The following SEMA4D variants were observed in gnomAD, a reference collection of about 807,000 sequenced individuals.
The protein encoded by SEMA4D is semaphorin-4D.
A neutral mutation model predicts 74.8 loss-of-function variants in SEMA4D; 22 were observed. The ratio of observed to expected loss-of-function variants is 0.29; its 90% CI spans 0.21 to 0.42. The LOEUF (loss-of-function observed/expected upper bound fraction) is 0.42, where lower values mean the gene tolerates loss of function less well. Among genes scored for constraint, SEMA4D ranks in the 10% least tolerant of loss-of-function variants. The probability of loss-of-function intolerance (pLI) is 1.00; values close to 1 mark genes in which losing one functional copy is unlikely to be tolerated. For missense variants in SEMA4D, 937 were observed against 1,118.4 expected (o/e 0.84, Z 2.31); for synonymous variants, 445 against 463.7 (o/e 0.96, Z 0.52).
At chr9:89,386,781 A>G (rs1838608888) in intron 12 of SEMA4D, 1 of 311,044 alleles carries the variant, frequency 3.2e-6, no homozygotes, top group East Asian at 8.6e-5. Context: ...TAAGTGCCAC[A>G]TGAGGGGGCT....
chr9:89,361,302 A>G (rs1832742714), exon 19 of SEMA4D: 1 of 152,286 alleles, frequency 6.6e-6, no homozygotes, highest in Non-Finnish European at 1.5e-5. Context: ...AGGCTGGTAG[A>G]GAATTTGTCC....
rs1355048168 is a variant in SEMA4D at position 89,387,650 on chromosome 9, A to G, written c.1108-42T>C. ...CCCGCTGTTAACGTGCTCGTGTCCC[A>G]CCACGCAACGGGTGCTTCCACACAA... On this transcript the variant is annotated intron_variant, in intron 11 of 15. Coordinates refer to ENST00000422704, the MANE Select transcript of SEMA4D (RefSeq NM_001371194.2). 2.5e-6 allele frequency: 4 copies of G among 1,584,410 alleles called. No individual in the cohort carries two copies. In the South Asian group the frequency reaches 3.3e-5, roughly 13 times the overall value.
chr9:89,426,608 A>G (rs1313086297), intron 2 of SEMA4D, among the ~76,000 whole-genome samples: 1 of 152,168 alleles, frequency 6.6e-6, no homozygotes, highest in Admixed American at 6.5e-5. Flanking sequence ...TGGGGCTGTC[A>G]GTTCCCGTCT....
chr9:89,465,706 G>A (rs1022588794), intron 1 of SEMA4D, among the ~76,000 whole-genome samples: 9 of 152,244 alleles, frequency 5.9e-5, no homozygotes, highest in African/African-American at 2.2e-4. Flanking sequence ...TTTCCATGGG[G>A]AGTCAATTGT....
chr9:89,376,776 C>A (rs1835848306), downstream of SEMA4D: 5 of 1,513,962 alleles, frequency 3.3e-6, no homozygotes, highest in East Asian at 2.5e-5. Context: ...GCCCGCCCCC[C>A]ACCTGTGGGA....
chr9:89,363,690 A>G (rs748972520), intron 17 of SEMA4D: 48 of 1,596,526 alleles, frequency 3.0e-5, no homozygotes, highest in South Asian at 2.8e-4. Flanking sequence ...CATTGTAAAT[A>G]GTGAAAAATT....
At chr9:89,414,683 G>A (rs61249876) in intron 2 of SEMA4D, among the ~76,000 whole-genome samples, 9,412 of 152,266 alleles carry the variant, frequency 0.062, 616 homozygotes, top group African/African-American at 0.16. Flanking sequence ...ATAATAAACA[G>A]TTTATTGTTC....
At chr9:89,438,673 C>CTT (rs112699856) in intron 2 of SEMA4D, among the ~76,000 whole-genome samples, 1 of 149,228 alleles carries the variant, frequency 6.7e-6, no homozygotes. Context: ...TTTTTCTTTT[C>CTT]TTTTTTTTTT....
chr9:89,423,796 C>T, intron 2 of SEMA4D, among the ~76,000 whole-genome samples: 1 of 137,920 alleles, frequency 7.3e-6, no homozygotes. Flanking sequence ...AGTGCCTCCC[C>T]TCCCTCCACT....
chr9:89,451,096 G>A (rs1854391726), intron 2 of SEMA4D, among the ~76,000 whole-genome samples: 1 of 152,050 alleles, frequency 6.6e-6, no homozygotes, highest in Non-Finnish European at 1.5e-5. Context: ...ATAGAACAGG[G>A]CTAAATTAGC....
In SEMA4D at chr9:89,396,812, C is replaced by G. The variant is rs1248823276; in HGVS notation, c.339G>C (p.Arg113=). ...AAGTGGCGCTGAGTGGCTGCAGCAC[C>G]CGGATGTAGTTGAGGCACTCTGTCT... ...SKQTECLNYI[R]VLQPLSATSL... The change falls in exon 6 of 16, where the codon CGG becomes CGC. Residue 113 remains arginine, a synonymous_variant. Coordinates refer to ENST00000422704, the MANE Select transcript of SEMA4D (RefSeq NM_001371194.2). 6.2e-7 allele frequency: 1 copy of G among 1,613,806 alleles called. No individual in the cohort carries two copies. Among genetic ancestry groups the G allele is most frequent in the East Asian group, 2.2e-5 (1 of 44,870 alleles).
intron 4 of SEMA4D, among the ~76,000 whole-genome samples, 174 bp downstream of exon 4, chr9:89,402,697 C>G (rs574776999): frequency 5.4e-5 from 8 of 147,586 alleles, no homozygotes; most frequent in African/African-American, 2.0e-4. Context: ...AAAAAAAAAG[C>G]AAAGAGGGTG....
exon 19 of SEMA4D, chr9:89,361,297 G>A (rs1226356925): frequency 6.6e-6 from 1 of 152,232 alleles, no homozygotes; most frequent in Admixed American, 6.5e-5. Context: ...CACAAAGGCT[G>A]GTAGAGAATT....
At chr9:89,388,336 G>A (rs1056469279) in intron 11 of SEMA4D, among the ~76,000 whole-genome samples, 5 of 152,254 alleles carry the variant, frequency 3.3e-5, no homozygotes, top group South Asian at 2.1e-4. Context: ...CCTTTGCCAA[G>A]GAATCATGTG....
chr9:89,369,833 C>T (rs1018274708), intron 16 of SEMA4D, among the ~76,000 whole-genome samples: 5 of 152,156 alleles, frequency 3.3e-5, no homozygotes, highest in Non-Finnish European at 7.3e-5. Context: ...TCCCAATAAA[C>T]CCACTGTGAG....
At chr9:89,441,058 T>A (rs1367733665) in intron 2 of SEMA4D, among the ~76,000 whole-genome samples, 1 of 152,186 alleles carries the variant, frequency 6.6e-6, no homozygotes, top group African/African-American at 2.4e-5. Flanking sequence ...AACAAGCCAC[T>A]CTCCTGGGCA....
At chr9:89,489,357 T>C (rs1163793481) in intron 1 of SEMA4D, among the ~76,000 whole-genome samples, 1 of 152,226 alleles carries the variant, frequency 6.6e-6, no homozygotes, top group Non-Finnish European at 1.5e-5. Flanking sequence ...TTTATTGTGG[T>C]AAAATACTCG....
intron 1 of SEMA4D, among the ~76,000 whole-genome samples, chr9:89,495,512 C>G (rs1825938587): frequency 6.6e-6 from 1 of 152,134 alleles, no homozygotes; most frequent in Non-Finnish European, 1.5e-5. Context: ...AGGGCGGACC[C>G]TGGCCCAGGG....
intron 1 of SEMA4D, among the ~76,000 whole-genome samples, chr9:89,464,701 C>T (rs1309465631): frequency 6.6e-6 from 1 of 152,022 alleles, no homozygotes; most frequent in Non-Finnish European, 1.5e-5. Flanking sequence ...AGAGGTCAAC[C>T]ATCAGAGAGG....
Sources: gnomAD v4.1 joint callset for allele counts (sites outside exome capture counted in the v4.1 genomes callset) on GRCh38, gnomAD v4.1.1 for gene constraint, MANE v1.5 for transcripts, NCBI Gene and HGNC (gene_info 2026-07-23, HGNC 2026-07-21) for gene names.